CNTNAP2: variants seen among roughly 807,000 people sequenced by gnomAD.
CNTNAP2 encodes contactin-associated protein-like 2.
In CNTNAP2, 98 loss-of-function variants were observed where a neutral mutation model predicts 155.2. The ratio of observed to expected loss-of-function variants is 0.63; its 90% CI spans 0.54 to 0.75. The LOEUF (loss-of-function observed/expected upper bound fraction) is 0.75, where lower values mean the gene tolerates loss of function less well. CNTNAP2 is among the 30% of genes least tolerant of loss of function. The pLI is 0.00. For missense variants in CNTNAP2, 1,727 were observed against 1,688.1 expected (o/e 1.02, Z -0.40); for synonymous variants, 651 against 631.2 (o/e 1.03, Z -0.47).
rs114731318 is a variant in CNTNAP2, at chr7:146,649,379, T to C, written c.98-124892T>C. On this transcript the variant is annotated intron_variant, in intron 1 of 23. Coordinates refer to ENST00000361727, the MANE Select transcript of CNTNAP2 (RefSeq NM_014141.6). ...TTCTTTTTACTGGGTGTGATGAATG[T>C]GTAAAGTAGTAGAACTTATGATACA... Among the ~76,000 whole-genome samples the C allele has an allele frequency of 7.7e-3, 1,179 of 152,238 alleles. 10 individuals are homozygous for C. Among genetic ancestry groups the C allele is most frequent in the African/African-American group, 0.027 (1,115 of 41,558 alleles).
chr7:148,415,313 T>C, intron 23 of CNTNAP2, 104 bp from the exon 24 acceptor site: 1 of 1,170,046 alleles, frequency 8.5e-7, no homozygotes, highest in Non-Finnish European at 1.2e-6. Flanking sequence ...TTGTGTTTTA[T>C]ATGGGAGAGG....
intron 1 of CNTNAP2, among the ~76,000 whole-genome samples, chr7:146,542,130 C>A (rs1052184649): frequency 5.3e-5 from 8 of 151,884 alleles, no homozygotes; most frequent in African/African-American, 1.9e-4. Flanking sequence ...ACACATCCAG[C>A]TTCTTTTTTC....
chr7:147,866,770 T>G (rs961981544), intron 13 of CNTNAP2, among the ~76,000 whole-genome samples: 1 of 150,086 alleles, frequency 6.7e-6, no homozygotes, highest in African/African-American at 2.5e-5. Context: ...TGTTTTTTGT[T>G]GTTGTTGTTG....
At chr7:147,382,836 A>G (rs1796558490) in intron 9 of CNTNAP2, among the ~76,000 whole-genome samples, 1 of 152,136 alleles carries the variant, frequency 6.6e-6, no homozygotes, top group Non-Finnish European at 1.5e-5. Context: ...AAAACCTCGA[A>G]TGATGTAGTA....
At position 148,165,216 on chromosome 7, in the gene CNTNAP2, C is replaced by T. The variant is rs149357930; in HGVS notation, c.2774-7026C>T. ...GGTTTTCAGACTGCTGTCTTCTTGC[C>T]GTGTCTTCACTTGATCTTTTCTCTG... On this transcript the variant is annotated intron_variant, in intron 17 of 23. Transcript: ENST00000361727. 6.0e-3 allele frequency among the ~76,000 whole-genome samples: 921 copies of T among 152,270 alleles called. 38 individuals are homozygous for T. The highest frequency in any genetic ancestry group is 0.054 in the Admixed American group (829 of 15,288).
intron 10 of CNTNAP2, among the ~76,000 whole-genome samples, chr7:147,403,288 C>T (rs1435245330): frequency 1.3e-5 from 2 of 152,220 alleles, no homozygotes; most frequent in Non-Finnish European, 1.5e-5. Context: ...CAACATACAT[C>T]TTACATATAT....
intron 9 of CNTNAP2, among the ~76,000 whole-genome samples, chr7:147,323,382 G>A (rs1331143613): frequency 1.2e-4 from 15 of 129,244 alleles, no homozygotes; most frequent in African/African-American, 3.3e-4. Context: ...GTAGTTGAGC[G>A]GCTTTGAGTG....
chr7:148,245,081 T>C (rs1796230217), intron 20 of CNTNAP2, among the ~76,000 whole-genome samples: 1 of 152,082 alleles, frequency 6.6e-6, no homozygotes, highest in South Asian at 2.1e-4. Context: ...TGGACTGGAG[T>C]TGATTGAGAA....
intron 1 of CNTNAP2, among the ~76,000 whole-genome samples, chr7:146,565,020 T>C (rs922728513): frequency 1.3e-5 from 2 of 152,132 alleles, no homozygotes; most frequent in African/African-American, 2.4e-5. Context: ...GTGTTTCTCC[T>C]ACTATAATAT....
At chr7:148,237,682 T>C (rs1053079429) in intron 20 of CNTNAP2, among the ~76,000 whole-genome samples, 1 of 151,402 alleles carries the variant, frequency 6.6e-6, no homozygotes, top group African/African-American at 2.4e-5. Context: ...GTAAAGTCAG[T>C]AGTCTGAGGC....
chr7:146,952,076 C>A (rs187674659), intron 3 of CNTNAP2, among the ~76,000 whole-genome samples: 2 of 152,036 alleles, frequency 1.3e-5, no homozygotes, highest in Admixed American at 1.3e-4. Flanking sequence ...AAAACTTATC[C>A]GCCATGATGA....
At chr7:147,060,769 C>T (rs1335086359) in intron 4 of CNTNAP2, among the ~76,000 whole-genome samples, 1 of 151,878 alleles carries the variant, frequency 6.6e-6, no homozygotes, top group Non-Finnish European at 1.5e-5. Context: ...GAGGCTGAGG[C>T]AGGAGAATGG....
intron 1 of CNTNAP2, among the ~76,000 whole-genome samples, chr7:146,721,136 TTC>T (rs1212074745): frequency 7.5e-6 from 1 of 133,820 alleles, no homozygotes. Context: ...CCTATATATA[TTC>T]TCTTTATATA....
intron 1 of CNTNAP2, among the ~76,000 whole-genome samples, chr7:146,735,836 T>C (rs1457457519): frequency 6.6e-6 from 1 of 151,394 alleles, no homozygotes; most frequent in East Asian, 1.9e-4. Flanking sequence ...TAGTGTTCTA[T>C]AGCACGTTAG....
chr7:147,735,535 G>C (rs1203817534), intron 13 of CNTNAP2, among the ~76,000 whole-genome samples: 1 of 152,128 alleles, frequency 6.6e-6, no homozygotes, highest in Non-Finnish European at 1.5e-5. Flanking sequence ...ATGTCTATTA[G>C]GTCCACTTGG....
intron 1 of CNTNAP2, among the ~76,000 whole-genome samples, chr7:146,257,191 C>T (rs546373390): frequency 6.6e-6 from 1 of 152,066 alleles, no homozygotes; most frequent in East Asian, 1.9e-4. Flanking sequence ...TGAAGTCTAC[C>T]TAATTTCATG....
chr7:146,646,288 T>C (rs1244383936), intron 1 of CNTNAP2, among the ~76,000 whole-genome samples: 1 of 152,110 alleles, frequency 6.6e-6, no homozygotes, highest in African/African-American at 2.4e-5. Flanking sequence ...TTAAATACCA[T>C]AGCTTTGTGA....
chr7:146,121,567 C>T (rs1420708638), intron 1 of CNTNAP2, among the ~76,000 whole-genome samples: 1 of 152,126 alleles, frequency 6.6e-6, no homozygotes, highest in Non-Finnish European at 1.5e-5. Flanking sequence ...TTTCCCATCT[C>T]TAGTCCTGAT....
At chr7:147,503,938 G>A (rs2116674345) in intron 11 of CNTNAP2, among the ~76,000 whole-genome samples, 1 of 152,282 alleles carries the variant, frequency 6.6e-6, no homozygotes, top group South Asian at 2.1e-4. Context: ...AGTATGTTAG[G>A]TATTGAATTT....
Sources: gnomAD v4.1 joint callset for allele counts (sites outside exome capture counted in the v4.1 genomes callset) on GRCh38, gnomAD v4.1.1 for gene constraint, MANE v1.5 for transcripts, NCBI Gene and HGNC (gene_info 2026-07-23, HGNC 2026-07-21) for gene names.